TRRAP: variants seen among roughly 807,000 people sequenced by gnomAD.
TRRAP encodes transformation/transcription domain-associated protein.
Under a neutral mutation model 438.8 loss-of-function variants are expected in TRRAP, and 41 were observed. The observed-to-expected ratio is 0.09, with a 90% confidence interval of 0.07 to 0.12. The LOEUF (loss-of-function observed/expected upper bound fraction) is 0.12. TRRAP is among the 10% of genes least tolerant of loss of function. TRRAP has a pLI of 1.00. For missense variants in TRRAP, 3,122 were observed against 5,055.1 expected (o/e 0.62, Z 11.60); for synonymous variants, 1,994 against 1,962.9 (o/e 1.02, Z -0.42).
intron 69 of TRRAP, among the ~76,000 whole-genome samples, chr7:99,007,693 G>C (rs2116870544): frequency 6.6e-6 from 1 of 151,518 alleles, no homozygotes; most frequent in African/African-American, 2.4e-5. Flanking sequence ...CTGTCACCCA[G>C]ACTGGAGTGC....
rs1796720859 is a variant in TRRAP, at chr7:98,906,240, C to T, written c.1100C>T (p.Ala367Val). The change falls in exon 13 of 73, where the codon GCC becomes GTC. Residue 367 changes from alanine (A) to valine (V), a missense_variant. Ala to Val is a moderately conservative substitution (Grantham distance 64). Transcript: ENST00000456197. ...ATACTAATTGGCTCAGGATATACTG[C>T]CAGAGAGACTCTAAGGTATGAGATT... is the stretch of plus-strand genomic sequence containing the variant. ...ESILIGSGYTARETLRPLAYS... is the reference protein window; with the variant it reads ...ESILIGSGYTVRETLRPLAYS... 1.2e-6 allele frequency: 2 copies of T among 1,613,548 alleles called. No homozygotes were observed. Among genetic ancestry groups the T allele is most frequent in the African/African-American group, 1.3e-5 (1 of 74,896 alleles).
intron 53 of TRRAP, among the ~76,000 whole-genome samples, chr7:98,974,836 C>G (rs1393776123): frequency 6.6e-6 from 1 of 152,212 alleles, no homozygotes; most frequent in Non-Finnish European, 1.5e-5. Context: ...ACCATGCAGA[C>G]AGTAACATGT....
Position 99,012,223 on chromosome 7 carries a change from C to A in TRRAP, c.11490C>A (p.Thr3830=), listed in dbSNP as rs768797316. 9 of 1,613,956 alleles carry A rather than the reference C, an allele frequency of 5.6e-6. No homozygotes were observed. The highest frequency in any genetic ancestry group is 1.3e-5 in the African/African-American group (1 of 74,912). Residue 3830 remains threonine, a synonymous_variant, in exon 73 of 73, where the codon ACC becomes ACA. Transcript: ENST00000456197. This position sits in a 1 kb window ranked among gnomAD's most constrained non-coding sequence, Gnocchi z 5.9. ...TGTCCCTGGTTCAGAAAGCCGTCAC[C>A]GCCATCATGACCCGCCTGCACAACC... ...QLVSLVQKAV[T]AIMTRLHNLA... is the part of the protein sequence containing the mutation.
At chr7:98,993,801 T>A in intron 66 of TRRAP, 64 bp downstream of exon 66, 1 of 1,513,452 alleles carries the variant, frequency 6.6e-7, no homozygotes, top group Non-Finnish European at 9.1e-7. Flanking sequence ...TCTGTATGCT[T>A]CTGTGGCTCT....
intron 20 of TRRAP, among the ~76,000 whole-genome samples, chr7:98,919,626 G>A (rs1407296484): frequency 6.6e-6 from 1 of 152,166 alleles, no homozygotes; most frequent in African/African-American, 2.4e-5. Flanking sequence ...GATAAAGATG[G>A]CATAGGCCGT....
chr7:98,950,778 GA>G, intron 38 of TRRAP, 97 bp from the exon 39 acceptor site: 1 of 1,369,010 alleles, frequency 7.3e-7, no homozygotes. Context: ...GTTCCAACTT[GA>G]TGGTGTGCTA....
Position 99,012,631 on chromosome 7 carries a change from G to A in TRRAP, c.*276G>A, listed in dbSNP as rs574638151. The A allele has an allele frequency of 2.0e-4, 91 of 465,610 alleles. No homozygotes were observed. Among genetic ancestry groups the A allele is most frequent in the Non-Finnish European group, 3.2e-4 (84 of 263,962 alleles). 28.8% of individuals were successfully genotyped at this position (465,610 alleles called of 1,614,324 possible). A position where few individuals can be genotyped will look rare whatever the true frequency, so the allele number is the denominator to read the frequency against. On this transcript the variant is annotated 3_prime_UTR_variant, in exon 73 of 73. Transcript: ENST00000456197. This position sits in a 1 kb window ranked among gnomAD's most constrained non-coding sequence, Gnocchi z 5.9. ...ATCTTTTAAGAAGCCAGGATTCTCC[G>A]GTCTGGAATTTCTGAGTGAGTCCTT... is the stretch of plus-strand genomic sequence containing the variant.
At position 98,976,163 on chromosome 7, in the gene TRRAP, C is replaced by T. The variant is rs757857398; in HGVS notation, c.7854C>T (p.Leu2618=). Residue 2618 remains leucine, a synonymous_variant, in exon 54 of 73, where the codon CTC becomes CTT. Coordinates refer to ENST00000456197, the MANE Select transcript of TRRAP (RefSeq NM_001375524.1). This position sits in a 1 kb window ranked among gnomAD's most constrained non-coding sequence, Gnocchi z 4.6. ...TCTGTTCATAGACTGGAGCGCTGCT[C>T]AGCGCTTTCGTTCAGCTGTGCCACA... ...TLREVKTGAL[L]SAFVQLCHIS... is the part of the protein sequence containing the mutation. The T allele has an allele frequency of 2.1e-5, 34 of 1,613,854 alleles. No individual in the cohort carries two copies. Among genetic ancestry groups the T allele is most frequent in the South Asian group, 3.3e-5 (3 of 91,076 alleles).
chr7:99,012,072 T>C lies in TRRAP; in HGVS notation c.11339T>C (p.Val3780Ala). The C allele has an allele frequency of 1.2e-6, 2 of 1,612,922 alleles. No homozygotes were observed. Among genetic ancestry groups the C allele is most frequent in the South Asian group, 2.2e-5 (2 of 91,042 alleles). ...CGTCTCGTTCTCTCCCTCACGCAGG[T>C]GGATGGCATTCTGAAAACGGTTCTC... is the stretch of plus-strand genomic sequence containing the variant. The part of the protein sequence containing the change: ...ARCFAQPNFK[V>A]DGILKTVLRD... The change falls in exon 73 of 73, where the codon GTG becomes GCG. Residue 3780 changes from valine to alanine, a missense_variant and splice_region_variant. This residue lies in a region of TRRAP where 192 missense variants were observed against 355.6 expected (regional missense o/e 0.54). Coordinates refer to ENST00000456197, the MANE Select transcript of TRRAP (RefSeq NM_001375524.1). The surrounding 1 kb of genome is among the most constrained non-coding windows in gnomAD (Gnocchi z 5.9).
intron 58 of TRRAP, among the ~76,000 whole-genome samples, chr7:98,981,358 C>T (rs1271247345): frequency 6.6e-6 from 1 of 152,200 alleles, no homozygotes; most frequent in Non-Finnish European, 1.5e-5. Context: ...GCCACGATCA[C>T]ACCACTGCTC....
At chr7:98,939,870 G>A (rs1790715473) in intron 30 of TRRAP, among the ~76,000 whole-genome samples, 3 of 151,962 alleles carry the variant, frequency 2.0e-5, no homozygotes, top group Middle Eastern at 3.4e-3. Context: ...AGCAGCTTTG[G>A]TTTGTTTGTT....
At chr7:98,944,189 C>T (rs1554416283) in intron 31 of TRRAP, among the ~76,000 whole-genome samples, 1 of 152,102 alleles carries the variant, frequency 6.6e-6, no homozygotes, top group African/African-American at 2.4e-5. Context: ...CTCCCTCTCT[C>T]ATCTGTTAGG....
At position 98,925,418 on chromosome 7, in the gene TRRAP, G is replaced by A. The variant is rs368564041; in HGVS notation, c.2975+155G>A. 5.9e-5 allele frequency among the ~76,000 whole-genome samples: 9 copies of A among 152,294 alleles called. No homozygotes were observed. The East Asian group carries it at 1.2e-3, about 20-fold the overall frequency. On this transcript the variant is annotated intron_variant, in intron 22 of 72. Coordinates refer to ENST00000456197, the MANE Select transcript of TRRAP (RefSeq NM_001375524.1). Reference sequence around the variant, plus strand: ...CCTACTCCTTCTTGTTGGGGCCTTAGAGAAAATGGAAAGGAGAACTGGGTG... The same window carrying A: ...CCTACTCCTTCTTGTTGGGGCCTTAAAGAAAATGGAAAGGAGAACTGGGTG...
In TRRAP at chr7:98,910,226, T is replaced by TCCCC; in HGVS notation, c.1523_1524insCCCC (p.Pro510ThrfsTer64). The TCCCC allele has an allele frequency of 3.7e-6, 1 of 271,750 alleles. No homozygotes were observed. Among genetic ancestry groups the TCCCC allele is most frequent in the Non-Finnish European group, 5.1e-6 (1 of 195,586 alleles). 16.8% of individuals were successfully genotyped at this position (271,750 alleles called of 1,614,324 possible). A position where few individuals can be genotyped will look rare whatever the true frequency, so the allele number is the denominator to read the frequency against. On this transcript the variant is annotated frameshift_variant, in exon 15 of 73. Transcript: ENST00000456197. LOFTEE classifies it high-confidence loss of function. ...CCCCAGCCCCTGTCCCTGCCCCACC[T>TCCCC]CCACCCCCGCCCCCACCCCCACCTG...
Position 98,988,969 on chromosome 7 carries a change from G to A in TRRAP, c.9591+3G>A, listed in dbSNP as rs3779186. 2.3e-5 allele frequency: 37 copies of A among 1,611,718 alleles called. 1 individual carries two copies. In the East Asian group the frequency reaches 7.8e-4, roughly 34 times the overall value. On this transcript the variant is annotated splice_donor_region_variant and intron_variant, in intron 63 of 72. Coordinates refer to ENST00000456197, the MANE Select transcript of TRRAP (RefSeq NM_001375524.1). The stretch of plus-strand genomic sequence containing the variant: ...AATCGAGGAAATACTTAGCCAAGGT[G>A]AGACCGAAAAAACGAGCTTTGACCA...
At chr7:98,977,311 A>G (rs1246928618) in intron 56 of TRRAP, among the ~76,000 whole-genome samples, 3 of 152,006 alleles carry the variant, frequency 2.0e-5, no homozygotes, top group Admixed American at 6.5e-5. Flanking sequence ...ACAGGCGCCC[A>G]CCACCATGCC....
chr7:99,004,539 T>C, intron 68 of TRRAP, 124 bp downstream of exon 68: 1 of 837,982 alleles, frequency 1.2e-6, no homozygotes, highest in East Asian at 2.6e-5. Flanking sequence ...TGGGAGAACA[T>C]AAGATGATTC....
rs760408448 is a variant in TRRAP, at chr7:98,988,843, C to G, written c.9468C>G (p.Gly3156=). Residue 3156 remains glycine (G), a synonymous_variant, in exon 63 of 73, where the codon GGC becomes GGG. Transcript: ENST00000456197. Reference sequence around the variant, plus strand: ...TGGTGAAAGCCTGGGCCATGTGGGGCGACTACCTGGAGAACATCTTTGTGA... The same window carrying G: ...TGGTGAAAGCCTGGGCCATGTGGGGGGACTACCTGGAGAACATCTTTGTGA... The part of the protein sequence containing the change: ...DVLVKAWAMW[G]DYLENIFVKE... 1 of 1,614,164 alleles carries G rather than the reference C, an allele frequency of 6.2e-7. No individual in the cohort carries two copies. Among genetic ancestry groups the G allele is most frequent in the Non-Finnish European group, 8.5e-7 (1 of 1,180,032 alleles).
In TRRAP at chr7:98,998,940, G is replaced by A. The variant is rs1338274076; in HGVS notation, c.10309+4092G>A. 5 of 566,308 alleles carry A rather than the reference G, an allele frequency of 8.8e-6. No individual in the cohort carries two copies. The East Asian group carries it at 1.4e-4, about 16-fold the overall frequency. The allele number at this position is 566,308 out of a possible 1,614,324, so 35.1% of individuals were successfully genotyped here. A position where few individuals can be genotyped will look rare whatever the true frequency, so the allele number is the denominator to read the frequency against. Reference sequence around the variant, plus strand: ...AGGTCAGTCTGCACAAGGTACAGAAGGCAAAGTTACAGCTGGAGCAGATGC... The same window carrying A: ...AGGTCAGTCTGCACAAGGTACAGAAAGCAAAGTTACAGCTGGAGCAGATGC... On this transcript the variant is annotated intron_variant, in intron 67 of 72. Coordinates refer to ENST00000456197, the MANE Select transcript of TRRAP (RefSeq NM_001375524.1).
Sources: allele counts gnomAD v4.1 joint callset (sites outside exome capture counted in the v4.1 genomes callset), GRCh38; gene constraint gnomAD v4.1.1; regional missense constraint gnomAD v4.1.1; non-coding constraint Gnocchi (gnomAD v3.1); transcripts MANE v1.5; gene names NCBI Gene and HGNC (gene_info 2026-07-23, HGNC 2026-07-21).